Variants in AGAP9 observed in about 807,000 individuals in gnomAD.
AGAP9 encodes ArfGAP with GTPase domain, ankyrin repeat and PH domain 9, also known as arf-GAP with GTPase, ANK repeat and PH domain-containing protein 9.
A neutral mutation model predicts 55.6 loss-of-function variants in AGAP9; 23 were observed. The observed-to-expected ratio is 0.41, with a 90% CI of 0.30 to 0.59. AGAP9 has a LOEUF of 0.59. Among genes scored for constraint, AGAP9 ranks in the 20% least tolerant of loss-of-function variants. The pLI, the probability that AGAP9 is intolerant of heterozygous loss-of-function variation, is 0.25. For synonymous variants in AGAP9, 120 were observed against 305.0 expected, an observed-to-expected ratio of 0.39 and a Z score of 6.32; for missense variants, 309 against 808.1, an observed-to-expected ratio of 0.38 and a Z score of 7.49.
At chr10:47,521,793 T>A (rs1313727523) in intron 2 of AGAP9, among the ~76,000 whole-genome samples, 1 of 151,454 alleles carries the variant, frequency 6.6e-6, no homozygotes, top group African/African-American at 2.4e-5. Context: ...TTCCTTTTTT[T>A]TTTGTGAGAC....
intron 6 of AGAP9, among the ~76,000 whole-genome samples, chr10:47,506,790 C>T (rs1375612697): frequency 3.5e-5 from 5 of 143,850 alleles, no homozygotes; most frequent in African/African-American, 1.3e-4. Context: ...CAGGTGCGTG[C>T]CACCATGCCC....
intron 2 of AGAP9, among the ~76,000 whole-genome samples, chr10:47,521,903 T>C (rs1840851418): frequency 1.3e-5 from 2 of 149,844 alleles, no homozygotes; most frequent in African/African-American, 4.9e-5. Flanking sequence ...GCCTCAGCCT[T>C]GTGAGTAGCT....
Position 47,502,447 on chromosome 10 carries a change from T to C in AGAP9, c.1682A>G (p.Glu561Gly). 1.9e-6 allele frequency: 3 copies of C among 1,612,372 alleles called. No individual in the cohort carries two copies. Among genetic ancestry groups the C allele is most frequent in the Non-Finnish European group, 2.5e-6 (3 of 1,179,912 alleles). Residue 561 changes from glutamate (E) to glycine (G), a missense_variant, in exon 8 of 8, where the codon GAA (glutamate) becomes GGA (glycine). Transcript: ENST00000452145. ...GGAACGGATCCACCATTCCTTCTCT[T>C]CCCTCGTGGACTTTATTGAGGGTTT... ...QTKPSIKSTR[E>G]EKEWWIRSKY... is the part of the protein sequence containing the mutation.
At chr10:47,515,960 A>T (rs1840708849) in intron 4 of AGAP9, among the ~76,000 whole-genome samples, 1 of 131,062 alleles carries the variant, frequency 7.6e-6, no homozygotes, top group Non-Finnish European at 1.6e-5. Flanking sequence ...AATAGAAAAA[A>T]GGAATTGATA....
rs1402171287 is a variant in AGAP9, at chr10:47,514,223, G to A, written c.396+3600C>T. ...CCCAAATGCCCATCAGTCAATGAGC[G>A]GATAAAGAAACTGTGATATACATAC... is the stretch of plus-strand genomic sequence containing the variant. On this transcript the variant is annotated intron_variant, in intron 4 of 7. Transcript: ENST00000452145. Among the ~76,000 whole-genome samples the A allele has an allele frequency of 2.7e-4, 40 of 148,046 alleles. 3 individuals carry two copies. Among genetic ancestry groups the A allele is most frequent in the African/African-American group, 6.4e-4 (25 of 38,864 alleles).
intron 4 of AGAP9, among the ~76,000 whole-genome samples, chr10:47,513,684 T>C (rs1840675544): frequency 7.2e-6 from 1 of 139,848 alleles, no homozygotes; most frequent in Non-Finnish European, 1.6e-5. Flanking sequence ...GATATAAAAA[T>C]AGGCACATAC....
chr10:47,513,108 C>T (rs1358496981), intron 4 of AGAP9, among the ~76,000 whole-genome samples: 1 of 147,064 alleles, frequency 6.8e-6, no homozygotes, highest in Non-Finnish European at 1.5e-5. Flanking sequence ...GATCTTGGCT[C>T]ACTGCAACCT....
At position 47,507,566 on chromosome 10, in the gene AGAP9, G is replaced by A. The variant is rs1380767838; in HGVS notation, c.515C>T (p.Pro172Leu). 8.5e-6 allele frequency: 13 copies of A among 1,527,998 alleles called. 3 individuals carry two copies. In the African/African-American group the frequency reaches 1.9e-4, roughly 23 times the overall value. The allele number at this position is 1,527,998 out of a possible 1,614,324, so 94.7% of individuals were successfully genotyped here. The change falls in exon 6 of 8, where the codon CCT becomes CTT. Residue 172 changes from proline to leucine, a missense_variant. Transcript: ENST00000452145. ...AGCTCACCTTTGTGTGATATGATGA[G>A]GTATCTCCAAGGTCACACTGTGGAA... ...MTIISVTLEI[P>L]HHITQRDADR... is the part of the protein sequence containing the mutation.
At position 47,502,098 on chromosome 10, in the gene AGAP9, C is replaced by T. The variant is rs1406796541; in HGVS notation, c.*54G>A. On this transcript the variant is annotated 3_prime_UTR_variant, in exon 8 of 8. Coordinates refer to ENST00000452145, the MANE Select transcript of AGAP9 (RefSeq NM_001190810.1). ...TACTACACGCACTCGTCGGGGCAGC[C>T]GTACTGCAGAAGCACGTTGATGCAC... 24 of 1,571,490 alleles carry T rather than the reference C, an allele frequency of 1.5e-5. 1 individual carries two copies. The highest frequency in any genetic ancestry group is 5.6e-5 in the South Asian group (5 of 89,380).
At position 47,502,341 on chromosome 10, in the gene AGAP9, A is replaced by T; in HGVS notation, c.1788T>A (p.Thr596=). ...SLGQQLLRAT[T]DEDLQTAILL... ...GGATGGCTGTCTGCAGGTCCTCATC[A>T]GTGGTGGCCCGCAGCAGCTGCTGGC... Residue 596 remains threonine (T), a synonymous_variant, in exon 8 of 8, where the codon ACT becomes ACA. Coordinates refer to ENST00000452145, the MANE Select transcript of AGAP9 (RefSeq NM_001190810.1). 6.2e-7 allele frequency: 1 copy of T among 1,603,106 alleles called. No homozygotes were observed. The highest frequency in any genetic ancestry group is 8.5e-7 in the Non-Finnish European group (1 of 1,177,200).
chr10:47,504,846 CTTTTTTTTTTTTTTTT>C (rs59529030), intron 6 of AGAP9, among the ~76,000 whole-genome samples: 2 of 46,842 alleles, frequency 4.3e-5, no homozygotes, highest in African/African-American at 7.4e-5. Flanking sequence ...CATAACTGTT[CTTTTTTTTTTTTTTTT>C]TTTTTTTTTT....
At position 47,520,516 on chromosome 10, in the gene AGAP9, C is replaced by A; in HGVS notation, c.344G>T (p.Arg115Met). Residue 115 changes from arginine (R) to methionine (M), a missense_variant, in exon 3 of 8, where the codon AGG becomes ATG. Transcript: ENST00000452145. ...ANPEASTIFQRNSQTDVVEIR... is the reference protein window; with the variant it reads ...ANPEASTIFQMNSQTDVVEIR... ...TGTCTCACCATCTGTTTGAGAGTTC[C>A]TCTGGAATATTGTGCTTGCCTCTGG... The A allele has an allele frequency of 6.6e-7, 1 of 1,514,148 alleles. No homozygotes were observed. Among genetic ancestry groups the A allele is most frequent in the Non-Finnish European group, 8.8e-7 (1 of 1,139,642 alleles). The allele number at this position is 1,514,148 out of a possible 1,614,324, so 93.8% of individuals were successfully genotyped here.
chr10:47,520,862 G>A (rs1190953164), intron 2 of AGAP9, among the ~76,000 whole-genome samples: 10,043 of 89,604 alleles, frequency 0.11, 47 homozygotes, highest in South Asian at 0.17. Context: ...AAAAAAAAAA[G>A]AAGAAGAGGT....
At position 47,513,040 on chromosome 10, in the gene AGAP9, T is replaced by C. The variant is rs1588950682; in HGVS notation, c.397-2769A>G. On this transcript the variant is annotated intron_variant, in intron 4 of 7. Transcript: ENST00000452145. ...ATTTGATCATGGTGGATTATCTTTT[T>C]TTTATTTTTTGAGATGGAGTCTTGC... Among the ~76,000 whole-genome samples, 3 of 132,714 alleles carry C rather than the reference T, an allele frequency of 2.3e-5. 1 individual carries two copies. Among genetic ancestry groups the C allele is most frequent in the Middle Eastern group, 3.7e-3 (1 of 272 alleles). 87.1% of individuals were successfully genotyped at this position (132,714 alleles called of 152,430 possible).
chr10:47,522,156 C>T (rs1360536890), intron 2 of AGAP9, among the ~76,000 whole-genome samples: 2,488 of 126,276 alleles, frequency 0.02, 22 homozygotes, highest in African/African-American at 0.049. Flanking sequence ...GGGGGAGCCA[C>T]GGCAACAAAC....
rs1236368903 is a variant in AGAP9, at chr10:47,506,341, C to G, written c.533+1207G>C. On this transcript the variant is annotated intron_variant, in intron 6 of 7. Coordinates refer to ENST00000452145, the MANE Select transcript of AGAP9 (RefSeq NM_001190810.1). ...AGGTCATCTTATTGCTTCTTTTTCT[C>G]TTTTTTTGAGACAGAGTCTCTCTCT... is the stretch of plus-strand genomic sequence containing the variant. Among the ~76,000 whole-genome samples the G allele has an allele frequency of 1.1e-4, 15 of 138,362 alleles. 5 individuals are homozygous for G. In the East Asian group the frequency reaches 4.4e-3, roughly 41 times the overall value. The allele number at this position is 138,362 out of a possible 152,430, so 90.8% of individuals were successfully genotyped here.
In AGAP9 at chr10:47,511,076, T is replaced by A. The variant is rs1252078551; in HGVS notation, c.397-805A>T. On this transcript the variant is annotated intron_variant, in intron 4 of 7. Coordinates refer to ENST00000452145, the MANE Select transcript of AGAP9 (RefSeq NM_001190810.1). Reference sequence around the variant, plus strand: ...CTCCTGACTCAGCCTCCTGAGTAGCTGGGACTACAGGCGCCCACCACCATG... The same window carrying A: ...CTCCTGACTCAGCCTCCTGAGTAGCAGGGACTACAGGCGCCCACCACCATG... Among the ~76,000 whole-genome samples the A allele has an allele frequency of 2.7e-3, 343 of 124,856 alleles. 5 individuals are homozygous for A. Among genetic ancestry groups the A allele is most frequent in the African/African-American group, 0.011 (325 of 30,666 alleles). 81.9% of individuals were successfully genotyped at this position (124,856 alleles called of 152,430 possible).
Position 47,502,363 on chromosome 10 carries a change from T to C in AGAP9, c.1766A>G (p.Gln589Arg). Residue 589 changes from glutamine to arginine, a missense_variant, in exon 8 of 8, where the codon CAG becomes CGG. Gln to Arg is a conservative substitution (Grantham distance 43). Transcript: ENST00000452145. ...ATCAGTGGTGGCCCGCAGCAGCTGCTGGCCCAGGGACAGCTCAGTGCAGGG... is the reference window on the plus strand; with the variant it reads ...ATCAGTGGTGGCCCGCAGCAGCTGCCGGCCCAGGGACAGCTCAGTGCAGGG... ...PLPCTELSLG[Q>R]QLLRATTDED... 6.2e-7 allele frequency: 1 copy of C among 1,608,656 alleles called. No individual in the cohort carries two copies. Among genetic ancestry groups the C allele is most frequent in the South Asian group, 1.1e-5 (1 of 90,864 alleles).
intron 5 of AGAP9, among the ~76,000 whole-genome samples, chr10:47,509,427 G>T (rs1264967198): frequency 0.048 from 5,081 of 105,638 alleles, 28 homozygotes; most frequent in African/African-American, 0.19. Context: ...GTGTAAACTT[G>T]CCACTTTTAA....
Sources: gnomAD v4.1 joint callset for allele counts (sites outside exome capture counted in the v4.1 genomes callset) on GRCh38, gnomAD v4.1.1 for gene constraint, MANE v1.5 for transcripts, NCBI Gene and HGNC (gene_info 2026-07-23, HGNC 2026-07-21) for gene names.